Variants in MYO18B observed in about 807,000 individuals in gnomAD.
The protein encoded by MYO18B is myosin XVIIIB.
MYO18B carries 204 observed loss-of-function variants against 273.0 expected under a neutral mutation model. That is an observed-to-expected ratio of 0.75 (90% confidence interval 0.67 to 0.84). The LOEUF (loss-of-function observed/expected upper bound fraction) is 0.84. MYO18B is among the 40% of genes least tolerant of loss of function. The pLI, the probability that MYO18B is intolerant of heterozygous loss-of-function variation, is 0.00. For synonymous variants in MYO18B, 1,330 were observed against 1,305.7 expected (o/e 1.02, Z -0.40); for missense variants, 3,212 against 3,287.6 (o/e 0.98, Z 0.56).
chr22:25,885,771 C>T (rs2091479615), intron 25 of MYO18B, among the ~76,000 whole-genome samples: 1 of 152,128 alleles, frequency 6.6e-6, no homozygotes. Context: ...CTTGGGGGGC[C>T]CTAATGGCCC....
chr22:25,855,824 T>A (rs1341916273), intron 21 of MYO18B, among the ~76,000 whole-genome samples: 3 of 150,518 alleles, frequency 2.0e-5, no homozygotes, highest in African/African-American at 7.3e-5. Flanking sequence ...CTACTTTCTT[T>A]CTTTTTTTTT....
chr22:25,980,622 G>A (rs956636330), intron 39 of MYO18B, among the ~76,000 whole-genome samples: 50 of 152,162 alleles, frequency 3.3e-4, no homozygotes, highest in African/African-American at 1.1e-3. Context: ...TTCATGAAAA[G>A]CAGTTGTCCC....
chr22:25,847,739 G>A, intron 20 of MYO18B, 87 bp downstream of exon 20: 1 of 1,015,372 alleles, frequency 9.8e-7, no homozygotes, highest in Non-Finnish European at 1.5e-6. Context: ...GGGAGCCCCT[G>A]CCATGTGCTA....
chr22:26,053,738 T>C, the MYO18B span, among the ~76,000 whole-genome samples: 1 of 151,724 alleles, frequency 6.6e-6, no homozygotes, highest in African/African-American at 2.4e-5. Context: ...TGACATGGAG[T>C]TGAGGAAGTC....
At chr22:25,970,221 C>T (rs912017565) in intron 39 of MYO18B, among the ~76,000 whole-genome samples, 3 of 152,244 alleles carry the variant, frequency 2.0e-5, no homozygotes, top group Admixed American at 6.5e-5. Context: ...CTGTGACCAC[C>T]GCCATCATCA....
chr22:25,854,388 C>A (rs150591837), intron 21 of MYO18B, among the ~76,000 whole-genome samples: 1 of 152,268 alleles, frequency 6.6e-6, no homozygotes, highest in African/African-American at 2.4e-5. Flanking sequence ...TGGGAATCAT[C>A]CTCATTTCAC....
chr22:25,756,664 C>G (rs955188576), intron 1 of MYO18B: 1 of 152,270 alleles, frequency 6.6e-6, no homozygotes, highest in Non-Finnish European at 1.5e-5. Context: ...CTTGGGCTCA[C>G]CAGCTTCCAG....
intron 39 of MYO18B, among the ~76,000 whole-genome samples, chr22:25,973,511 T>G (rs2093057468): frequency 6.6e-6 from 1 of 152,220 alleles, no homozygotes. Context: ...TTTAGATTAT[T>G]TTCTATCTCT....
At chr22:26,029,542 G>A (rs375222756) in intron 43 of MYO18B, among the ~76,000 whole-genome samples, 9 of 152,154 alleles carry the variant, frequency 5.9e-5, no homozygotes, top group African/African-American at 2.2e-4. Flanking sequence ...TCCATGAGGG[G>A]AACAGTCCTT....
intron 21 of MYO18B, among the ~76,000 whole-genome samples, chr22:25,863,531 A>G (rs2090801026): frequency 7.2e-6 from 1 of 138,276 alleles, no homozygotes; most frequent in African/African-American, 2.9e-5. Context: ...GTGTGGGACC[A>G]CTGATATCTC....
chr22:25,753,083 C>T (rs1213254490), intron 1 of MYO18B, among the ~76,000 whole-genome samples: 1 of 135,526 alleles, frequency 7.4e-6, no homozygotes, highest in Non-Finnish European at 1.6e-5. Context: ...CCGAGCCCCC[C>T]ACCACTGGTT....
intron 12 of MYO18B, among the ~76,000 whole-genome samples, chr22:25,819,559 G>A (rs1177012197): frequency 1.3e-5 from 2 of 152,190 alleles, no homozygotes; most frequent in African/African-American, 4.8e-5. Context: ...CAGGCTCACA[G>A]GTAACAGTAT....
At chr22:25,754,008 G>T (rs1480074107) in intron 1 of MYO18B, among the ~76,000 whole-genome samples, 3 of 152,208 alleles carry the variant, frequency 2.0e-5, no homozygotes, top group Admixed American at 6.5e-5. Flanking sequence ...TGGAAGTGCT[G>T]GTGTTTCAGG....
chr22:25,862,306 G>A (rs1476215376), intron 21 of MYO18B, among the ~76,000 whole-genome samples: 1 of 152,002 alleles, frequency 6.6e-6, no homozygotes, highest in Non-Finnish European at 1.5e-5. Context: ...CAACAATAAA[G>A]CTTTATGATT....
chr22:26,047,675 T>TA, the MYO18B span, among the ~76,000 whole-genome samples: 7 of 152,250 alleles, frequency 4.6e-5, no homozygotes, highest in East Asian at 1.9e-4. Context: ...AGACATGATA[T>TA]AAAAAATGTA....
At chr22:26,019,811 AATTGGCCCAGGCT>A (rs1157756542) in intron 42 of MYO18B, among the ~76,000 whole-genome samples, 2 of 152,124 alleles carry the variant, frequency 1.3e-5, no homozygotes, top group African/African-American at 4.8e-5. Context: ...CTGTAGCTAC[AATTGGCCCAGGCT>A]ATGACCACAC....
intron 25 of MYO18B, among the ~76,000 whole-genome samples, chr22:25,885,611 A>T (rs1006566973): frequency 2.6e-5 from 4 of 152,118 alleles, no homozygotes; most frequent in African/African-American, 9.7e-5. Flanking sequence ...GAGATGAGGC[A>T]TGAAGCCGGA....
chr22:25,830,770 A>T (rs1352857655), intron 15 of MYO18B, among the ~76,000 whole-genome samples: 1 of 152,174 alleles, frequency 6.6e-6, no homozygotes, highest in Non-Finnish European at 1.5e-5. Flanking sequence ...AGGGGTAGGA[A>T]AACAGGCTCC....
chr22:25,868,137 G>A (rs974324806), intron 21 of MYO18B, among the ~76,000 whole-genome samples, 183 bp from the exon 22 acceptor site: 3 of 152,200 alleles, frequency 2.0e-5, no homozygotes, highest in Non-Finnish European at 4.4e-5. Context: ...AGAGTGGATG[G>A]CACACAGTAG....
Sources: allele counts gnomAD v4.1 joint callset (sites outside exome capture counted in the v4.1 genomes callset), GRCh38; gene constraint gnomAD v4.1.1; transcripts MANE v1.5; gene names NCBI Gene and HGNC (gene_info 2026-07-23, HGNC 2026-07-21).